The following ATP13A5 variants were observed in gnomAD, a reference collection of about 807,000 sequenced individuals.
The protein encoded by ATP13A5 is probable cation-transporting ATPase 13A5.
A neutral mutation model predicts 150.2 loss-of-function variants in ATP13A5; 149 were observed. The ratio of observed to expected loss-of-function variants is 0.99; its 90% CI spans 0.87 to 1.14. The LOEUF (loss-of-function observed/expected upper bound fraction) is 1.14. ATP13A5 is among the 50% of genes most tolerant of loss of function. The pLI, the probability that ATP13A5 is intolerant of heterozygous loss-of-function variation, is 0.00. For synonymous variants in ATP13A5, 497 were observed against 522.2 expected (o/e 0.95, Z 0.66); for missense variants, 1,383 against 1,449.3 (o/e 0.95, Z 0.74).
chr3:193,284,585 A>G (rs986449825), intron 27 of ATP13A5, among the ~76,000 whole-genome samples: 9 of 152,222 alleles, frequency 5.9e-5, no homozygotes, highest in African/African-American at 2.2e-4. Context: ...CCAATGTTAT[A>G]AGGCTAAAGA....
intron 15 of ATP13A5, 36 bp downstream of exon 15, chr3:193,322,455 G>T: frequency 1.4e-6 from 2 of 1,459,562 alleles, no homozygotes; most frequent in Non-Finnish European, 9.6e-7. Context: ...AGTTTTATGG[G>T]GAAAGAGCTA....
chr3:193,288,391 A>G (rs527796503), intron 26 of ATP13A5, among the ~76,000 whole-genome samples: 17 of 152,286 alleles, frequency 1.1e-4, no homozygotes, highest in Middle Eastern at 3.4e-3. Context: ...TGTCACAGCT[A>G]TACCCCAACC....
At position 193,279,474 on chromosome 3, in the gene ATP13A5, T is replaced by C; in HGVS notation, c.3227-20A>G. 6.3e-7 allele frequency: 1 copy of C among 1,585,106 alleles called. No individual in the cohort carries two copies. Among genetic ancestry groups the C allele is most frequent in the African/African-American group, 1.3e-5 (1 of 74,296 alleles). ...ATATATCTGAGGAAATACCAAACAT[T>C]ATTTTTAGATGTTAAAAGAATGTTT... On this transcript the variant is annotated intron_variant, in intron 27 of 29. Transcript: ENST00000342358.
intron 22 of ATP13A5, 52 bp downstream of exon 22, chr3:193,307,275 C>T (rs1718652142): frequency 1.9e-6 from 3 of 1,612,820 alleles, no homozygotes; most frequent in Non-Finnish European, 2.5e-6. Context: ...CTGAGGTCCT[C>T]CAGAGGGATA....
At chr3:193,321,429 G>A (rs61487060) in intron 16 of ATP13A5, among the ~76,000 whole-genome samples, 2,217 of 152,248 alleles carry the variant, frequency 0.015, 47 homozygotes, top group Admixed American at 0.052. Context: ...CCAGGAGGTT[G>A]AGACCAGCCT....
chr3:193,336,417 G>A (rs1711865930), intron 9 of ATP13A5, among the ~76,000 whole-genome samples: 1 of 152,118 alleles, frequency 6.6e-6, no homozygotes, highest in African/African-American at 2.4e-5. Flanking sequence ...GCCCCGGTGT[G>A]TGATGTTCCC....
intron 14 of ATP13A5, 113 bp downstream of exon 14, chr3:193,324,751 A>G (rs1719410381): frequency 8.2e-7 from 1 of 1,226,562 alleles, no homozygotes; most frequent in South Asian, 1.5e-5. Context: ...TTACACGCTT[A>G]TACATACATT....
chr3:193,310,527 TTTG>T, intron 21 of ATP13A5, 108 bp downstream of exon 21: 1 of 779,256 alleles, frequency 1.3e-6, no homozygotes, highest in Non-Finnish European at 2.0e-6. Flanking sequence ...CTTGCCAACA[TTTG>T]TTATTTTTGA....
rs1184455021 is a variant in ATP13A5, at chr3:193,334,981, G to A, written c.1062C>T (p.Ile354=). 6.2e-7 allele frequency: 1 copy of A among 1,613,760 alleles called. No homozygotes were observed. The highest frequency in any genetic ancestry group is 8.5e-7 in the Non-Finnish European group (1 of 1,179,848). Residue 354 remains isoleucine, a synonymous_variant, in exon 10 of 30, where the codon ATC becomes ATT. Transcript: ENST00000342358. The part of the protein sequence containing the change: ...KHVLFCGTEV[I]QVKPSGQGPV... ...GCCCCTGCCCAGAGGGCTTGACCTG[G>A]ATAACTTCTGTTCCACAGAAAAGGA...
chr3:193,334,967 G>A lies in ATP13A5; in HGVS notation c.1076C>T (p.Ser359Phe). 5 of 1,613,878 alleles carry A rather than the reference G, an allele frequency of 3.1e-6. No homozygotes were observed. Among genetic ancestry groups the A allele is most frequent in the Non-Finnish European group, 4.2e-6 (5 of 1,179,806 alleles). The stretch of plus-strand genomic sequence containing the variant: ...GACTGCTCGTACAGGCCCCTGCCCA[G>A]AGGGCTTGACCTGGATAACTTCTGT... ...CGTEVIQVKP[S>F]GQGPVRAVVL... is the part of the protein sequence containing the mutation. Residue 359 changes from serine (S) to phenylalanine (F), a missense_variant, in exon 10 of 30, where the codon TCT becomes TTT. Physicochemically the swap from Ser to Phe is radical, Grantham distance 155 (BLOSUM62 -2). This residue lies in a region of ATP13A5 where 787 missense variants were observed against 771.9 expected (regional missense o/e 1.02). Transcript: ENST00000342358.
chr3:193,275,281 C>G lies in ATP13A5; in HGVS notation c.3418G>C (p.Glu1140Gln), dbSNP rs1229709124. ...FVEDSILQNH[E>Q]LWLLIKREFG... is the part of the protein sequence containing the mutation. The stretch of plus-strand genomic sequence containing the variant: ...TCTCTTTTGATCAACAGCCAGAGTT[C>G]ATGATTTTGAAGGATGGAATCCTGA... Residue 1140 changes from glutamate (E) to glutamine (Q), a missense_variant, in exon 30 of 30, where the codon GAA (glutamate) becomes CAA (glutamine). Glu to Gln is a conservative substitution (Grantham distance 29, BLOSUM62 2). This residue lies in a region of ATP13A5 where 568 missense variants were observed against 621.5 expected (regional missense o/e 0.91). Transcript: ENST00000342358. 1 of 1,613,616 alleles carries G rather than the reference C, an allele frequency of 6.2e-7. No individual in the cohort carries two copies. Among genetic ancestry groups the G allele is most frequent in the Non-Finnish European group, 8.5e-7 (1 of 1,180,002 alleles).
At position 193,307,307 on chromosome 3, in the gene ATP13A5, CA is replaced by C; in HGVS notation, c.2568+19del. ...GATATTAGTGAGTGGCTTGTCTGAG[CA>C]AAAGCCATTTCTACTCACCCCACAG... On this transcript the variant is annotated intron_variant, in intron 22 of 29. Transcript: ENST00000342358. 1.2e-6 allele frequency: 2 copies of C among 1,613,650 alleles called. No homozygotes were observed. The highest frequency in any genetic ancestry group is 1.7e-6 in the Non-Finnish European group (2 of 1,179,784).
chr3:193,321,243 T>C (rs1210631171), intron 16 of ATP13A5, among the ~76,000 whole-genome samples: 1 of 152,168 alleles, frequency 6.6e-6, no homozygotes, highest in Non-Finnish European at 1.5e-5. Context: ...CACCCCTGCT[T>C]CTTAGGATCT....
At chr3:193,376,312 T>C (rs1341639792) in intron 1 of ATP13A5, among the ~76,000 whole-genome samples, 2 of 152,208 alleles carry the variant, frequency 1.3e-5, no homozygotes, top group African/African-American at 4.8e-5. Context: ...TTCTGGTGCA[T>C]AGACTGCCAT....
In ATP13A5 at chr3:193,322,549, G is replaced by A; in HGVS notation, c.1700C>T (p.Ser567Phe). ...AWKMEDCIVD[S>F]CKFGTSVSNI... ...TGAAACTGACGTCCCAAATTTGCAG[G>A]AGTCTACAATGCAATCTTCCATTTT... The change falls in exon 15 of 30, where the codon TCC becomes TTC. Residue 567 changes from serine to phenylalanine, a missense_variant. Physicochemically the swap from Ser to Phe is radical, Grantham distance 155. This residue lies in a region of ATP13A5 where 787 missense variants were observed against 771.9 expected (regional missense o/e 1.02). Coordinates refer to ENST00000342358, the MANE Select transcript of ATP13A5 (RefSeq NM_198505.4). 1 of 1,613,302 alleles carries A rather than the reference G, an allele frequency of 6.2e-7. No homozygotes were observed. Among genetic ancestry groups the A allele is most frequent in the Non-Finnish European group, 8.5e-7 (1 of 1,179,460 alleles).
At chr3:193,310,353 A>C (rs1259309043) in intron 21 of ATP13A5, among the ~76,000 whole-genome samples, 1 of 152,204 alleles carries the variant, frequency 6.6e-6, no homozygotes, top group African/African-American at 2.4e-5. Flanking sequence ...TCTTTATGGT[A>C]GAATGATTTA....
At position 193,362,492 on chromosome 3, in the gene ATP13A5, T is replaced by C. The variant is rs771504018; in HGVS notation, c.456-31A>G. On this transcript the variant is annotated intron_variant, in intron 4 of 29. Transcript: ENST00000342358. ...ATGTATTCAGGATAGGAACCACACT[T>C]CAGTTCATAGCACTCAACAAATCAG... 3 of 1,613,180 alleles carry C rather than the reference T, an allele frequency of 1.9e-6. No individual in the cohort carries two copies. In the South Asian group the frequency reaches 3.3e-5, roughly 18 times the overall value.
rs1297863152 is a variant in ATP13A5 at position 193,362,593 on chromosome 3, G to A, written c.429C>T (p.Asp143=). 3 of 1,614,142 alleles carry A rather than the reference G, an allele frequency of 1.9e-6. No individual in the cohort carries two copies. The South Asian group carries it at 3.3e-5, about 18-fold the overall frequency. The part of the protein sequence containing the change: ...EVQKIRYVWN[D]LEKRFQKVGL... Reference sequence around the variant, plus strand: ...CAACTTTCTGAAACCGCTTCTCCAGGTCGTTCCAAACATACCTGATTTTCT... The same window carrying A: ...CAACTTTCTGAAACCGCTTCTCCAGATCGTTCCAAACATACCTGATTTTCT... The change falls in exon 4 of 30, where the codon GAC becomes GAT. Residue 143 remains aspartate (D), a synonymous_variant. Transcript: ENST00000342358.
chr3:193,362,781 CTTTCTTTCTTTCT>C, intron 3 of ATP13A5, 144 bp from the exon 4 acceptor site: 1 of 520,682 alleles, frequency 1.9e-6, no homozygotes, highest in South Asian at 2.3e-5. Flanking sequence ...TTCTTTCTTT[CTTTCTTTCTTTCT>C]TTCTTTCTTT....
Sources: allele counts gnomAD v4.1 joint callset (sites outside exome capture counted in the v4.1 genomes callset), GRCh38; gene constraint gnomAD v4.1.1; regional missense constraint gnomAD v4.1.1; transcripts MANE v1.5; gene names NCBI Gene and HGNC (gene_info 2026-07-23, HGNC 2026-07-21).